Variants in STXBP5L observed in about 807,000 individuals in gnomAD.
STXBP5L encodes the protein syntaxin-binding protein 5-like.
In STXBP5L, 65 loss-of-function variants were observed where a neutral mutation model predicts 144.5. That is an observed-to-expected ratio of 0.45 (90% CI 0.37 to 0.55). STXBP5L has a LOEUF of 0.55. Ranked by LOEUF, STXBP5L falls within the 20% of genes least tolerant of loss-of-function variation. STXBP5L has a pLI of 0.00. For synonymous variants in STXBP5L, 505 were observed against 469.6 expected, an observed-to-expected ratio of 1.08 and a Z score of -0.97; for missense variants, 1,298 against 1,405.5, an observed-to-expected ratio of 0.92 and a Z score of 1.22.
intron 12 of STXBP5L, among the ~76,000 whole-genome samples, chr3:121,235,000 A>T (rs1559891490): frequency 6.6e-6 from 1 of 150,976 alleles, no homozygotes; most frequent in African/African-American, 2.4e-5. Context: ...ATATATATAT[A>T]TATTTTTTTA....
chr3:121,380,348 A>G (rs2046294340), intron 21 of STXBP5L, among the ~76,000 whole-genome samples: 1 of 152,120 alleles, frequency 6.6e-6, no homozygotes, highest in African/African-American at 2.4e-5. Context: ...TTTGTTTCCT[A>G]GAAAAAAGTC....
chr3:121,238,046 A>G (rs1247435756), intron 12 of STXBP5L, among the ~76,000 whole-genome samples: 1 of 151,892 alleles, frequency 6.6e-6, no homozygotes, highest in South Asian at 2.1e-4. Context: ...AACTCTTCCA[A>G]CCTCTACCCA....
At chr3:121,315,320 T>C (rs1296682760) in intron 19 of STXBP5L, among the ~76,000 whole-genome samples, 1 of 151,846 alleles carries the variant, frequency 6.6e-6, no homozygotes, top group Non-Finnish European at 1.5e-5. Context: ...AATGGATGAG[T>C]TCATGTCCTT....
rs941986766 is a variant in STXBP5L at position 121,195,704 on chromosome 3, G to A, written c.878-10219G>A. Among the ~76,000 whole-genome samples the A allele has an allele frequency of 2.0e-5, 3 of 152,322 alleles. No homozygotes were observed. The South Asian group carries it at 6.2e-4, about 32-fold the overall frequency. On this transcript the variant is annotated intron_variant, in intron 9 of 26. Transcript: ENST00000471454. ...TAGATTGCGTGACTCATCCAAGGAC[G>A]AAGTCAGTGAGCAGTGGGGACAGGA...
intron 18 of STXBP5L, among the ~76,000 whole-genome samples, chr3:121,263,068 GC>G (rs1300588786): frequency 6.6e-6 from 1 of 152,216 alleles, no homozygotes; most frequent in Admixed American, 6.5e-5. Context: ...ATACAGGAGA[GC>G]TCTGGCTGGC....
chr3:121,059,042 T>C (rs574522243), intron 5 of STXBP5L, among the ~76,000 whole-genome samples: 1 of 152,348 alleles, frequency 6.6e-6, no homozygotes, highest in South Asian at 2.1e-4. Flanking sequence ...CATGAAGTCT[T>C]TGCCCATGCC....
chr3:121,313,238 C>G (rs71618063), intron 19 of STXBP5L, among the ~76,000 whole-genome samples: 15 of 112,570 alleles, frequency 1.3e-4, no homozygotes, highest in Non-Finnish European at 1.3e-4. Context: ...ACCTCCCTCC[C>G]GGACGGGGCG....
intron 20 of STXBP5L, among the ~76,000 whole-genome samples, chr3:121,347,674 TC>T (rs1037410478): frequency 6.6e-6 from 1 of 151,174 alleles, no homozygotes; most frequent in Non-Finnish European, 1.5e-5. Context: ...GATCCTTACA[TC>T]CCTTGTAAGT....
chr3:121,380,300 T>C (rs905635113), intron 21 of STXBP5L, among the ~76,000 whole-genome samples: 3 of 152,172 alleles, frequency 2.0e-5, no homozygotes, highest in Non-Finnish European at 4.4e-5. Flanking sequence ...TTTATAAATT[T>C]GCTAAGAGAT....
intron 3 of STXBP5L, among the ~76,000 whole-genome samples, chr3:120,991,527 C>T (rs1204530557): frequency 2.6e-5 from 4 of 152,216 alleles, no homozygotes; most frequent in Non-Finnish European, 5.9e-5. Context: ...AAGACACATG[C>T]ACATGTATGT....
chr3:121,055,419 G>C (rs1186681673), intron 5 of STXBP5L, among the ~76,000 whole-genome samples: 1 of 151,982 alleles, frequency 6.6e-6, no homozygotes, highest in African/African-American at 2.4e-5. Flanking sequence ...TATTTTATTA[G>C]GGCACCTACA....
intron 20 of STXBP5L, among the ~76,000 whole-genome samples, chr3:121,369,168 G>C (rs1024439685): frequency 4.6e-5 from 7 of 152,300 alleles, no homozygotes; most frequent in Admixed American, 1.3e-4. Flanking sequence ...ACTGAGCTAA[G>C]AGCTAAAATT....
In STXBP5L at chr3:121,183,580, TGAAA is replaced by T. The variant is rs1386445976; in HGVS notation, c.878-22337_878-22334del. ...GCAAGACAAAGAGAGAAAGAAAAAT[TGAAA>T]GAAAGGAAGAAAGAAAGAAAGAGAA... On this transcript the variant is annotated intron_variant, in intron 9 of 26. Coordinates refer to ENST00000471454, the MANE Select transcript of STXBP5L (RefSeq NM_001308330.2). Among the ~76,000 whole-genome samples, 8 of 107,080 alleles carry T rather than the reference TGAAA, an allele frequency of 7.5e-5. No individual in the cohort carries two copies. In the East Asian group the frequency reaches 1.5e-3, roughly 20 times the overall value. The allele number at this position is 107,080 out of a possible 152,430, so 70.2% of individuals were successfully genotyped here. A position where few individuals can be genotyped will look rare whatever the true frequency, so the allele number is the denominator to read the frequency against.
chr3:121,351,590 G>A (rs1182397548), intron 20 of STXBP5L, among the ~76,000 whole-genome samples: 1 of 152,092 alleles, frequency 6.6e-6, no homozygotes, highest in Non-Finnish European at 1.5e-5. Flanking sequence ...CTGGATATAA[G>A]CCCTTTGTCA....
intron 20 of STXBP5L, among the ~76,000 whole-genome samples, chr3:121,331,333 C>A (rs2044315366): frequency 6.6e-6 from 1 of 152,202 alleles, no homozygotes; most frequent in Admixed American, 6.5e-5. Context: ...ACTGCAGACA[C>A]AGTTGAGGCT....
intron 3 of STXBP5L, among the ~76,000 whole-genome samples, chr3:121,025,816 C>T (rs1314414796): frequency 2.7e-5 from 4 of 149,494 alleles, no homozygotes; most frequent in Non-Finnish European, 5.9e-5. Context: ...TTTTGAATCC[C>T]TCTAGAGCAT....
intron 4 of STXBP5L, among the ~76,000 whole-genome samples, chr3:121,044,888 T>C (rs1229575430): frequency 6.6e-6 from 1 of 152,202 alleles, no homozygotes; most frequent in Non-Finnish European, 1.5e-5. Flanking sequence ...TGTTTTCTTT[T>C]ATTATGGATA....
chr3:121,410,211 G>A (rs2047083937), intron 23 of STXBP5L, among the ~76,000 whole-genome samples: 1 of 151,756 alleles, frequency 6.6e-6, no homozygotes, highest in African/African-American at 2.4e-5. Context: ...TTGTGTATGT[G>A]TGTAAATGTG....
intron 5 of STXBP5L, among the ~76,000 whole-genome samples, chr3:121,070,306 T>C (rs533380734): frequency 6.6e-6 from 1 of 152,348 alleles, no homozygotes; most frequent in East Asian, 1.9e-4. Flanking sequence ...CTTATTGGTA[T>C]TGTGACCCTG....
Sources: allele counts gnomAD v4.1 joint callset (sites outside exome capture counted in the v4.1 genomes callset), GRCh38; gene constraint gnomAD v4.1.1; transcripts MANE v1.5; gene names NCBI Gene and HGNC (gene_info 2026-07-23, HGNC 2026-07-21).